The following CRPPA variants were observed in gnomAD, a reference collection of about 807,000 sequenced individuals.
The protein encoded by CRPPA is CDP-L-ribitol pyrophosphorylase A, also known as D-ribitol-5-phosphate cytidylyltransferase.
In CRPPA, 43 loss-of-function variants were observed where a neutral mutation model predicts 52.0. The observed-to-expected ratio is 0.83, with a 90% CI of 0.65 to 1.07. The LOEUF (loss-of-function observed/expected upper bound fraction) is 1.07. CRPPA is among the 50% of genes least tolerant of loss of function. CRPPA has a pLI of 0.00. For synonymous variants in CRPPA, 250 were observed against 203.5 expected (o/e 1.23, Z -1.94); for missense variants, 629 against 551.7 (o/e 1.14, Z -1.40).
At chr7:16,203,796 T>C (rs959115144) in intron 9 of CRPPA, among the ~76,000 whole-genome samples, 1 of 152,182 alleles carries the variant, frequency 6.6e-6, no homozygotes, top group Non-Finnish European at 1.5e-5. Context: ...ATTAATTCAA[T>C]TGGCTTAAAA....
intron 3 of CRPPA, among the ~76,000 whole-genome samples, chr7:16,370,157 G>C (rs1562658631): frequency 6.6e-6 from 1 of 152,184 alleles, no homozygotes; most frequent in Non-Finnish European, 1.5e-5. Context: ...AGGGGTTGCA[G>C]GGTGAAAGAA....
chr7:16,283,083 T>C (rs1784350379), intron 5 of CRPPA, among the ~76,000 whole-genome samples: 1 of 152,010 alleles, frequency 6.6e-6, no homozygotes, highest in African/African-American at 2.4e-5. Flanking sequence ...GTGATTCTGA[T>C]GTATAGCCAG....
chr7:16,258,596 T>G, intron 7 of CRPPA, 114 bp from the exon 8 acceptor site: 2 of 641,194 alleles, frequency 3.1e-6, no homozygotes, highest in Non-Finnish European at 5.1e-6. Flanking sequence ...TTATCAAACT[T>G]AGTTTTTAAT....
chr7:16,236,943 T>TGC (rs534019559), intron 8 of CRPPA, among the ~76,000 whole-genome samples: 4,632 of 145,298 alleles, frequency 0.032, 219 homozygotes, highest in African/African-American at 0.11. Context: ...AGAGCTTTCG[T>TGC]GCGCGCGCAC....
intron 2 of CRPPA, among the ~76,000 whole-genome samples, chr7:16,380,069 G>A (rs1476767025): frequency 6.6e-6 from 1 of 150,920 alleles, no homozygotes; most frequent in African/African-American, 2.4e-5. Context: ...TCTTGTGCCA[G>A]TTTTCAAAGG....
intron 4 of CRPPA, among the ~76,000 whole-genome samples, chr7:16,304,616 G>A (rs1047185317): frequency 1.3e-5 from 2 of 152,008 alleles, no homozygotes; most frequent in African/African-American, 2.4e-5. Context: ...ACTCCAGCCT[G>A]GGTGACAGAG....
chr7:16,218,992 T>A (rs891406383), intron 8 of CRPPA, among the ~76,000 whole-genome samples: 1 of 152,090 alleles, frequency 6.6e-6, no homozygotes, highest in African/African-American at 2.4e-5. Flanking sequence ...AATATACATT[T>A]TTTTCAGCAC....
chr7:16,370,250 C>A (rs930240630), intron 3 of CRPPA, among the ~76,000 whole-genome samples: 1 of 152,106 alleles, frequency 6.6e-6, no homozygotes, highest in African/African-American at 2.4e-5. Context: ...GGAAGTGTGC[C>A]ACAGATAGGA....
At chr7:16,399,010 C>T (rs1044518844) in intron 2 of CRPPA, among the ~76,000 whole-genome samples, 1 of 152,186 alleles carries the variant, frequency 6.6e-6, no homozygotes, top group Non-Finnish European at 1.5e-5. Context: ...TTGACTGACA[C>T]AATTGACATG....
intron 2 of CRPPA, among the ~76,000 whole-genome samples, chr7:16,380,811 G>A (rs1400783041): frequency 3.3e-5 from 5 of 152,136 alleles, no homozygotes; most frequent in African/African-American, 7.2e-5. Context: ...ATGGTAGTTC[G>A]TATTTCTGTG....
chr7:16,287,063 C>T (rs1254514231), intron 5 of CRPPA, among the ~76,000 whole-genome samples: 1 of 152,038 alleles, frequency 6.6e-6, no homozygotes, highest in Non-Finnish European at 1.5e-5. Flanking sequence ...ACTGCCTTTG[C>T]TTTTTATTGT....
Position 16,089,302 on chromosome 7 carries a change from ATATG to A in CRPPA, c.*2389_*2392del, listed in dbSNP as rs547139412. The A allele has an allele frequency of 3.3e-5, 13 of 396,628 alleles. No individual in the cohort carries two copies. The highest frequency in any genetic ancestry group is 1.9e-4 in the African/African-American group (8 of 42,332). The allele number at this position is 396,628 out of a possible 1,614,324, so 24.6% of individuals were successfully genotyped here. ...TGTGTGTATGCGTACGTATATACATATATGTGTGTATGCGTACGTATATAAATAT... is the reference window on the plus strand; with the variant it reads ...TGTGTGTATGCGTACGTATATACATATGTGTATGCGTACGTATATAAATAT... On this transcript the variant is annotated 3_prime_UTR_variant, in exon 10 of 10. Transcript: ENST00000407010.
chr7:16,251,124 A>G (rs963368415), intron 8 of CRPPA, among the ~76,000 whole-genome samples: 5 of 152,186 alleles, frequency 3.3e-5, no homozygotes, highest in African/African-American at 1.2e-4. Context: ...ATAAAAAAAT[A>G]CAAGGAAGGG....
rs117112843 is a variant in CRPPA at position 16,398,559 on chromosome 7, G to A, written c.534+7502C>T. ...TGATCGACATAAGTGACACGTGATC[G>A]TCAAGTGATCGACACGTGTGGCACG... is the stretch of plus-strand genomic sequence containing the variant. On this transcript the variant is annotated intron_variant, in intron 2 of 9. Coordinates refer to ENST00000407010, the MANE Select transcript of CRPPA (RefSeq NM_001101426.4). 1.2e-3 allele frequency among the ~76,000 whole-genome samples: 187 copies of A among 152,178 alleles called. 4 individuals carry two copies. The East Asian group carries it at 0.021, about 17-fold the overall frequency.
At chr7:16,209,290 T>TTTTTTTTTTTTTTTTTTTTTTTTTA (rs1782063195) in intron 9 of CRPPA, 1 of 197,648 alleles carries the variant, frequency 5.1e-6, no homozygotes, top group Non-Finnish European at 1.0e-5. Flanking sequence ...TTTTTTTTTT[T>TTTTTTTTTTTTTTTTTTTTTTTTTA]GAGACGAGTC....
chr7:16,131,067 A>G (rs1782671992), intron 9 of CRPPA, among the ~76,000 whole-genome samples: 1 of 152,224 alleles, frequency 6.6e-6, no homozygotes, highest in Admixed American at 6.5e-5. Context: ...TGAAAAAACA[A>G]ATTTATGTTG....
chr7:16,197,215 C>G (rs1781759000), intron 9 of CRPPA, among the ~76,000 whole-genome samples: 1 of 152,186 alleles, frequency 6.6e-6, no homozygotes, highest in Non-Finnish European at 1.5e-5. Context: ...TTGATAGGGA[C>G]ACAATGGCTT....
At chr7:16,378,030 C>A (rs574701009) in intron 2 of CRPPA, among the ~76,000 whole-genome samples, 30 of 151,790 alleles carry the variant, frequency 2.0e-4, no homozygotes, top group African/African-American at 6.8e-4. Context: ...GGAGTTTACT[C>A]CAAAAAAAAT....
intron 2 of CRPPA, among the ~76,000 whole-genome samples, chr7:16,396,949 T>C (rs371257826): frequency 6.6e-6 from 1 of 152,278 alleles, no homozygotes; most frequent in African/African-American, 2.4e-5. Context: ...AACTGTGACA[T>C]GTGATGGAAG....
Sources: allele counts gnomAD v4.1 joint callset (sites outside exome capture counted in the v4.1 genomes callset), GRCh38; gene constraint gnomAD v4.1.1; transcripts MANE v1.5; gene names NCBI Gene and HGNC (gene_info 2026-07-23, HGNC 2026-07-21).